Variants in LRBA observed in about 807,000 individuals in gnomAD.
The protein encoded by LRBA is lipopolysaccharide-responsive and beige-like anchor protein.
In LRBA, 176 loss-of-function variants were observed where a neutral mutation model predicts 330.0. That is an observed-to-expected ratio of 0.53 (90% confidence interval 0.47 to 0.60). The LOEUF (loss-of-function observed/expected upper bound fraction) is 0.60. LRBA is among the 20% of genes least tolerant of loss of function. The pLI is 0.00. For synonymous variants in LRBA, 1,230 were observed against 1,193.0 expected, an observed-to-expected ratio of 1.03 and a Z score of -0.64; for missense variants, 3,259 against 3,444.8, an observed-to-expected ratio of 0.95 and a Z score of 1.35.
chr4:150,664,587 C>CT (rs1220948368), intron 37 of LRBA, among the ~76,000 whole-genome samples: 1 of 152,266 alleles, frequency 6.6e-6, no homozygotes, highest in South Asian at 2.1e-4. Flanking sequence ...AGCCCCTAAG[C>CT]TTTTCCCTAA....
At chr4:150,675,583 T>G (rs1782456019) in intron 37 of LRBA, among the ~76,000 whole-genome samples, 1 of 151,998 alleles carries the variant, frequency 6.6e-6, no homozygotes, top group Non-Finnish European at 1.5e-5. Context: ...CCAGGTGTGG[T>G]GGCACGTGCC....
chr4:150,351,890 TAAC>T (rs1403808710), intron 47 of LRBA, among the ~76,000 whole-genome samples: 57 of 152,224 alleles, frequency 3.7e-4, no homozygotes, highest in Non-Finnish European at 4.4e-5. Flanking sequence ...TAAACAACAA[TAAC>T]AACAAAATTG....
At chr4:150,697,443 T>A (rs1488132117) in intron 36 of LRBA, among the ~76,000 whole-genome samples, 1 of 135,708 alleles carries the variant, frequency 7.4e-6, no homozygotes, top group Non-Finnish European at 1.6e-5. Flanking sequence ...ATAAAAGAGG[T>A]CAAAAACTAA....
In LRBA at chr4:150,489,464, A is replaced by ATATTATATAT. The variant is rs1357142688; in HGVS notation, c.6448+1453_6448+1454insATATATAATA. 1.1e-4 allele frequency among the ~76,000 whole-genome samples: 3 copies of ATATTATATAT among 26,750 alleles called. 1 individual carries two copies. The highest frequency in any genetic ancestry group is 2.1e-4 in the Non-Finnish European group (2 of 9,368). The allele number at this position is 26,750 out of a possible 152,430, so 17.5% of individuals were successfully genotyped here. ...TATAATATATTATATATAAGAATAT[A>ATATTATATAT]AAATATATTATATATAAGAATATAT... On this transcript the variant is annotated intron_variant, in intron 41 of 56. Coordinates refer to ENST00000651943, the MANE Select transcript of LRBA (RefSeq NM_001364905.1).
intron 33 of LRBA, among the ~76,000 whole-genome samples, chr4:150,798,496 AT>A (rs1320814122): frequency 6.6e-6 from 1 of 152,150 alleles, no homozygotes; most frequent in Non-Finnish European, 1.5e-5. Context: ...GAGAAGGGAA[AT>A]GGCTCCCTGA....
intron 2 of LRBA, chr4:151,012,923 C>T (rs1006546525): frequency 1.3e-5 from 2 of 151,618 alleles, no homozygotes; most frequent in African/African-American, 4.8e-5. Context: ...CAAGCGCATC[C>T]AGCTAATTTT....
At chr4:150,564,795 A>C (rs570757966) in intron 40 of LRBA, among the ~76,000 whole-genome samples, 13 of 152,240 alleles carry the variant, frequency 8.5e-5, no homozygotes, top group African/African-American at 3.1e-4. Context: ...TTCATCACTG[A>C]TCACTAGAGA....
At chr4:150,850,218 T>C (rs6855472) in intron 24 of LRBA, among the ~76,000 whole-genome samples, 33,025 of 151,560 alleles carry the variant, frequency 0.22, 6,691 homozygotes, top group African/African-American at 0.54. Flanking sequence ...CTCAGCCTCC[T>C]GAGTAGCTGG....
Position 150,577,354 on chromosome 4 carries a change from A to C in LRBA, c.6330+10694T>G, listed in dbSNP as rs1456649877. 5.3e-5 allele frequency among the ~76,000 whole-genome samples: 8 copies of C among 152,102 alleles called. No homozygotes were observed. The East Asian group carries it at 1.2e-3, about 22-fold the overall frequency. ...AGTGAAATAATTTTTAAATTCAGAG[A>C]ACTTAATAGTGTTTTATTTCCTCAT... On this transcript the variant is annotated intron_variant, in intron 40 of 56. Coordinates refer to ENST00000651943, the MANE Select transcript of LRBA (RefSeq NM_001364905.1).
chr4:150,627,095 G>T (rs1295530889), intron 37 of LRBA, among the ~76,000 whole-genome samples: 1 of 151,726 alleles, frequency 6.6e-6, no homozygotes. Context: ...TTAGCCTTAG[G>T]AAAACAAATC....
At chr4:150,849,358 A>C (rs1750312951) in intron 25 of LRBA, 64 bp downstream of exon 25, 1 of 1,442,798 alleles carries the variant, frequency 6.9e-7, no homozygotes, top group Non-Finnish European at 9.6e-7. Flanking sequence ...TTTAAGTTTT[A>C]GTCAATAAAG....
intron 48 of LRBA, among the ~76,000 whole-genome samples, chr4:150,331,988 T>C (rs553658813): frequency 6.6e-6 from 1 of 152,302 alleles, no homozygotes; most frequent in Admixed American, 6.5e-5. Flanking sequence ...TTTATTGAGT[T>C]GTGAGGATTA....
intron 2 of LRBA, among the ~76,000 whole-genome samples, chr4:151,003,885 CTGTGTGTGTGTGTG>C (rs56025404): frequency 3.6e-3 from 486 of 134,198 alleles, no homozygotes; most frequent in Middle Eastern, 7.6e-3. Flanking sequence ...TAGCCAACTG[CTGTGTGTGTGTGTG>C]TGTGTGTGTG....
At chr4:150,569,245 G>C (rs906259834) in intron 40 of LRBA, among the ~76,000 whole-genome samples, 7 of 152,076 alleles carry the variant, frequency 4.6e-5, no homozygotes, top group African/African-American at 1.7e-4. Context: ...AGGACAAACA[G>C]GTAGTCGCAG....
At chr4:150,571,256 T>C (rs1769803792) in intron 40 of LRBA, among the ~76,000 whole-genome samples, 1 of 152,010 alleles carries the variant, frequency 6.6e-6, no homozygotes, top group Non-Finnish European at 1.5e-5. Context: ...GCTCTACCTA[T>C]AATATAGCTA....
chr4:150,422,831 C>T, intron 46 of LRBA: 1 of 1,445,322 alleles, frequency 6.9e-7, no homozygotes, highest in Non-Finnish European at 9.7e-7. Flanking sequence ...TGCCCTGCAG[C>T]CAGGCTGTAC....
intron 47 of LRBA, among the ~76,000 whole-genome samples, chr4:150,412,718 C>T (rs1221269502): frequency 6.6e-6 from 1 of 151,586 alleles, no homozygotes; most frequent in African/African-American, 2.4e-5. Flanking sequence ...AACAGAAAAC[C>T]GATTCCCTTG....
In LRBA at chr4:150,655,901, A is replaced by G. The variant is rs529403662; in HGVS notation, c.5921+27650T>C. On this transcript the variant is annotated intron_variant, in intron 37 of 56. Transcript: ENST00000651943. ...CTTTCCAAAGGTTCTATATTACTGT[A>G]TTGTGTTGGGGGGTATTTATCGCCA... Among the ~76,000 whole-genome samples the G allele has an allele frequency of 2.6e-5, 4 of 152,264 alleles. No individual in the cohort carries two copies. In the South Asian group the frequency reaches 8.3e-4, roughly 32 times the overall value.
intron 35 of LRBA, among the ~76,000 whole-genome samples, chr4:150,752,787 T>A (rs1229711416): frequency 6.6e-6 from 1 of 152,154 alleles, no homozygotes; most frequent in East Asian, 1.9e-4. Flanking sequence ...CAACTCATGA[T>A]ATTACAGAGG....
Sources: gnomAD v4.1 joint callset for allele counts (sites outside exome capture counted in the v4.1 genomes callset) on GRCh38, gnomAD v4.1.1 for gene constraint, MANE v1.5 for transcripts, NCBI Gene and HGNC (gene_info 2026-07-23, HGNC 2026-07-21) for gene names.